PLXDC2: variants seen among roughly 807,000 people sequenced by gnomAD.
The protein encoded by PLXDC2 is plexin domain containing 2.
Under a neutral mutation model 68.9 loss-of-function variants are expected in PLXDC2, and 40 were observed. That is an observed-to-expected ratio of 0.58 (90% CI 0.45 to 0.76). The LOEUF (loss-of-function observed/expected upper bound fraction) is 0.76. Ranked by LOEUF, PLXDC2 falls within the 30% of genes least tolerant of loss-of-function variation. The pLI is 0.00. For missense variants in PLXDC2, 644 were observed against 661.9 expected (o/e 0.97, Z 0.30); for synonymous variants, 243 against 234.2 (o/e 1.04, Z -0.34).
intron 1 of PLXDC2, among the ~76,000 whole-genome samples, chr10:19,827,496 C>A (rs757196769): frequency 9.9e-5 from 15 of 152,052 alleles, no homozygotes; most frequent in Non-Finnish European, 1.5e-4. Flanking sequence ...TACGTAATTT[C>A]TTTTCTACAA....
At chr10:19,952,919 T>C (rs1196942916) in intron 1 of PLXDC2, among the ~76,000 whole-genome samples, 1 of 152,108 alleles carries the variant, frequency 6.6e-6, no homozygotes, top group Non-Finnish European at 1.5e-5. Flanking sequence ...TCTTTTTTTT[T>C]GTTTTGATGA....
At chr10:19,852,256 T>C (rs188613169) in intron 1 of PLXDC2, among the ~76,000 whole-genome samples, 19 of 151,456 alleles carry the variant, frequency 1.3e-4, no homozygotes, top group Admixed American at 1.2e-3. Context: ...ATTAAAAAAT[T>C]AGCCAGGCAT....
chr10:19,865,969 G>T (rs1320645830), intron 1 of PLXDC2, among the ~76,000 whole-genome samples: 1 of 152,052 alleles, frequency 6.6e-6, no homozygotes, highest in Non-Finnish European at 1.5e-5. Flanking sequence ...ATATGCTTCT[G>T]CTGGCTTCAC....
intron 1 of PLXDC2, among the ~76,000 whole-genome samples, chr10:19,824,985 G>A (rs1836543399): frequency 6.6e-6 from 1 of 152,092 alleles, no homozygotes; most frequent in Admixed American, 6.6e-5. Flanking sequence ...TGGATATCCA[G>A]ACTTTTAAAT....
chr10:20,272,061 T>C (rs1361094708), intron 13 of PLXDC2, among the ~76,000 whole-genome samples: 2 of 151,886 alleles, frequency 1.3e-5, no homozygotes, highest in Non-Finnish European at 2.9e-5. Context: ...TGGCCAATAG[T>C]GGGAAGGGTG....
chr10:20,251,696 A>T (rs1211432553), intron 13 of PLXDC2, among the ~76,000 whole-genome samples: 2 of 152,200 alleles, frequency 1.3e-5, no homozygotes, highest in East Asian at 3.8e-4. Context: ...CAAAATCAAC[A>T]TTCCTATGAA....
At chr10:20,152,231 T>G (rs79067245) in intron 6 of PLXDC2, among the ~76,000 whole-genome samples, 2,482 of 152,240 alleles carry the variant, frequency 0.016, 67 homozygotes, top group African/African-American at 0.056. Flanking sequence ...ATCTTGCTTA[T>G]AGTGGGATTG....
intron 4 of PLXDC2, among the ~76,000 whole-genome samples, chr10:20,140,673 G>A (rs1283128156): frequency 1.3e-5 from 2 of 151,926 alleles, no homozygotes; most frequent in Non-Finnish European, 2.9e-5. Context: ...GAAAATTAAG[G>A]AGAACTAGGT....
At chr10:19,837,981 C>T (rs1836830843) in intron 1 of PLXDC2, among the ~76,000 whole-genome samples, 1 of 152,088 alleles carries the variant, frequency 6.6e-6, no homozygotes, top group African/African-American at 2.4e-5. Context: ...AGTTACAATT[C>T]AATAAATTTA....
Position 20,286,999 on chromosome 10 carries a change from C to G in PLXDC2, c.*7180C>G, listed in dbSNP as rs1836161822. On this transcript the variant is annotated 3_prime_UTR_variant, in exon 14 of 14. Coordinates refer to ENST00000377252, the MANE Select transcript of PLXDC2 (RefSeq NM_032812.9). ...TCCGCCTCCCAAAGTGCTGGAATTA[C>G]AGGCCTGAGCCACCGTGCCTGGCCG... 1 of 152,334 alleles carries G rather than the reference C, an allele frequency of 6.6e-6. No individual in the cohort carries two copies. Among genetic ancestry groups the G allele is most frequent in the Non-Finnish European group, 1.5e-5 (1 of 68,138 alleles). The allele number at this position is 152,334 out of a possible 1,614,324, so 9.4% of individuals were successfully genotyped here.
At chr10:20,026,636 C>G (rs566572376) in intron 2 of PLXDC2, among the ~76,000 whole-genome samples, 2 of 151,944 alleles carry the variant, frequency 1.3e-5, no homozygotes, top group African/African-American at 4.8e-5. Context: ...GATGTGATTC[C>G]AACATGCAGA....
In PLXDC2 at chr10:19,984,107, A is replaced by G. The variant is rs182944683; in HGVS notation, c.113-17668A>G. Among the ~76,000 whole-genome samples the G allele has an allele frequency of 7.8e-4, 119 of 152,346 alleles. 1 individual carries two copies. Among genetic ancestry groups the G allele is most frequent in the African/African-American group, 2.8e-3 (118 of 41,576 alleles). On this transcript the variant is annotated intron_variant, in intron 1 of 13. Transcript: ENST00000377252. ...CAGAAGCTACCACTTTGAGTTTCACATATGTATTTCCTATATGGGTATAAT... is the reference window on the plus strand; with the variant it reads ...CAGAAGCTACCACTTTGAGTTTCACGTATGTATTTCCTATATGGGTATAAT...
At chr10:20,183,322 A>C (rs1442507436) in intron 9 of PLXDC2, among the ~76,000 whole-genome samples, 2 of 151,960 alleles carry the variant, frequency 1.3e-5, no homozygotes, top group Non-Finnish European at 2.9e-5. Context: ...AAGCAGCTTA[A>C]GAGGTTTCAG....
At chr10:20,221,847 A>C (rs892030237) in intron 12 of PLXDC2, among the ~76,000 whole-genome samples, 3 of 152,228 alleles carry the variant, frequency 2.0e-5, no homozygotes, top group African/African-American at 7.2e-5. Flanking sequence ...GCAAGCTAAT[A>C]CATTTTTGTA....
chr10:19,924,587 C>CCA (rs966071784), intron 1 of PLXDC2, among the ~76,000 whole-genome samples: 1 of 152,090 alleles, frequency 6.6e-6, no homozygotes, highest in African/African-American at 2.4e-5. Context: ...TCTTTCCCAG[C>CCA]CACAACATGA....
At chr10:20,272,673 C>T (rs1389866265) in intron 13 of PLXDC2, among the ~76,000 whole-genome samples, 2 of 152,164 alleles carry the variant, frequency 1.3e-5, no homozygotes, top group Non-Finnish European at 2.9e-5. Flanking sequence ...TATAATAAAA[C>T]TGACTCAAAT....
intron 6 of PLXDC2, among the ~76,000 whole-genome samples, chr10:20,151,817 G>C (rs944816390): frequency 1.3e-5 from 2 of 151,998 alleles, no homozygotes; most frequent in Non-Finnish European, 2.9e-5. Context: ...ATTATACATA[G>C]GGAAGTACGT....
intron 1 of PLXDC2, among the ~76,000 whole-genome samples, chr10:19,968,294 C>T (rs1834297638): frequency 6.6e-6 from 1 of 152,078 alleles, no homozygotes; most frequent in African/African-American, 2.4e-5. Flanking sequence ...AATACGATGA[C>T]CTCACTGATC....
intron 1 of PLXDC2, among the ~76,000 whole-genome samples, chr10:19,949,026 A>T (rs1390845643): frequency 4.0e-5 from 6 of 148,862 alleles, no homozygotes; most frequent in Non-Finnish European, 1.5e-5. Flanking sequence ...GCTACTTGAG[A>T]GACTGAGGCA....
Sources: gnomAD v4.1 joint callset for allele counts (sites outside exome capture counted in the v4.1 genomes callset) on GRCh38, gnomAD v4.1.1 for gene constraint, MANE v1.5 for transcripts, NCBI Gene and HGNC (gene_info 2026-07-23, HGNC 2026-07-21) for gene names.